RB1CC1: variants seen among roughly 807,000 people sequenced by gnomAD.
The protein encoded by RB1CC1 is RB1 inducible coiled-coil 1.
Under a neutral mutation model 177.5 loss-of-function variants are expected in RB1CC1, and 46 were observed. The ratio of observed to expected loss-of-function variants is 0.26; its 90% CI spans 0.20 to 0.33. The LOEUF is 0.33. Ranked by LOEUF, RB1CC1 falls within the 10% of genes least tolerant of loss-of-function variation. The probability of loss-of-function intolerance (pLI) is 1.00; values close to 1 mark genes in which losing one functional copy is unlikely to be tolerated. For missense variants in RB1CC1, 1,703 were observed against 1,816.3 expected (o/e 0.94, Z 1.13); for synonymous variants, 666 against 613.6 (o/e 1.09, Z -1.26).
chr8:52,712,053 A>C (rs1857102463), intron 1 of RB1CC1, among the ~76,000 whole-genome samples: 1 of 152,180 alleles, frequency 6.6e-6, no homozygotes, highest in South Asian at 2.1e-4. Flanking sequence ...ACAATTACTT[A>C]AACATTTTTA....
In RB1CC1 at chr8:52,656,236, A is replaced by C; in HGVS notation, c.3593T>G (p.Ile1198Ser). Residue 1198 changes from isoleucine to serine, a missense_variant, in exon 15 of 24, where the codon ATT becomes AGT. By Grantham distance (142) the Ile-to-Ser change is moderately radical. This residue lies in a region of RB1CC1 where 1,169 missense variants were observed against 1,184.7 expected (regional missense o/e 0.99). Transcript: ENST00000025008. The stretch of plus-strand genomic sequence containing the variant: ...TTCGTATTTCTCTTCTTGTTGGGTA[A>C]TTTTTTCATCTTTTTGTCTTTCAAG... The part of the protein sequence containing the change: ...SALERQKDEK[I>S]TQQEEKYEAI... The C allele has an allele frequency of 6.2e-7, 1 of 1,612,838 alleles. No individual in the cohort carries two copies. Among genetic ancestry groups the C allele is most frequent in the Non-Finnish European group, 8.5e-7 (1 of 1,179,712 alleles).
chr8:52,622,845 C>CA lies in RB1CC1; in HGVS notation c.*936dup, dbSNP rs1848149976. ...ATTTTCACACTTCCCAGCAATCACT[C>CA]AAATATATTAAAAATGTATCCTTCT... On this transcript the variant is annotated 3_prime_UTR_variant, in exon 24 of 24. Transcript: ENST00000025008. The CA allele has an allele frequency of 6.6e-6, 1 of 151,998 alleles. No individual in the cohort carries two copies. The highest frequency in any genetic ancestry group is 6.6e-5 in the Admixed American group (1 of 15,218). The allele number at this position is 151,998 out of a possible 1,614,324, so 9.4% of individuals were successfully genotyped here.
chr8:52,714,059 C>T lies in RB1CC1; in HGVS notation c.-167+16G>A, dbSNP rs1428097030. 3 of 347,216 alleles carry T rather than the reference C, an allele frequency of 8.6e-6. No homozygotes were observed. Among genetic ancestry groups the T allele is most frequent in the East Asian group, 1.6e-4 (1 of 6,380 alleles). The allele number at this position is 347,216 out of a possible 1,614,324, so 21.5% of individuals were successfully genotyped here. On this transcript the variant is annotated intron_variant, in intron 1 of 23. Transcript: ENST00000025008. ...GCCAGATGGGGGAAGGGGACGCGGG[C>T]GGCGGCGACACTTACCCGGCAACGC...
chr8:52,654,340 C>T lies in RB1CC1; in HGVS notation c.3821+1668G>A, dbSNP rs148505070. Among the ~76,000 whole-genome samples, 123 of 152,342 alleles carry T rather than the reference C, an allele frequency of 8.1e-4. 1 individual carries two copies. Among genetic ancestry groups the T allele is most frequent in the African/African-American group, 2.8e-3 (117 of 41,586 alleles). On this transcript the variant is annotated intron_variant, in intron 15 of 23. Coordinates refer to ENST00000025008, the MANE Select transcript of RB1CC1 (RefSeq NM_014781.5). ...ACATTTCCCAAAATCCCAGGTATAGCTTCCAGTTTGCCAATGAAAAGAAGA... is the reference window on the plus strand; with the variant it reads ...ACATTTCCCAAAATCCCAGGTATAGTTTCCAGTTTGCCAATGAAAAGAAGA...
intron 15 of RB1CC1, among the ~76,000 whole-genome samples, chr8:52,654,830 T>G (rs1283022149): frequency 6.6e-6 from 1 of 152,172 alleles, no homozygotes; most frequent in Non-Finnish European, 1.5e-5. Context: ...TTAGATCAAT[T>G]TAACCAAAAT....
At position 52,687,013 on chromosome 8, in the gene RB1CC1, G is replaced by A. The variant is rs148013272; in HGVS notation, c.-166-46C>T. On this transcript the variant is annotated intron_variant, in intron 1 of 23. Coordinates refer to ENST00000025008, the MANE Select transcript of RB1CC1 (RefSeq NM_014781.5). ...GTTATAAAGAGAAACAATTCAGTACGAAACAACATATGGCTATTGTTCCTT... is the reference window on the plus strand; with the variant it reads ...GTTATAAAGAGAAACAATTCAGTACAAAACAACATATGGCTATTGTTCCTT... 2.6e-3 allele frequency: 1,154 copies of A among 452,412 alleles called. 2 individuals carry two copies. Among genetic ancestry groups the A allele is most frequent in the African/African-American group, 4.1e-3 (205 of 49,714 alleles). 28.0% of individuals were successfully genotyped at this position (452,412 alleles called of 1,614,324 possible). A position where few individuals can be genotyped will look rare whatever the true frequency, so the allele number is the denominator to read the frequency against.
rs1848688313 is a variant in RB1CC1 at position 52,630,622 on chromosome 8, G to A, written c.4441-94C>T. 2.3e-6 allele frequency: 3 copies of A among 1,301,834 alleles called. No individual in the cohort carries two copies. In the South Asian group the frequency reaches 5.1e-5, roughly 22 times the overall value. The allele number at this position is 1,301,834 out of a possible 1,614,324, so 80.6% of individuals were successfully genotyped here. On this transcript the variant is annotated intron_variant, in intron 20 of 23. Transcript: ENST00000025008. ...TTCACCCACTGTTATACACATTCAAGCCTGTGTCCAGCTTTAAAGAGCCCA... is the reference window on the plus strand; with the variant it reads ...TTCACCCACTGTTATACACATTCAAACCTGTGTCCAGCTTTAAAGAGCCCA...
intron 3 of RB1CC1, among the ~76,000 whole-genome samples, chr8:52,685,038 C>T (rs1284586033): frequency 1.4e-5 from 2 of 144,206 alleles, no homozygotes; most frequent in African/African-American, 2.6e-5. Flanking sequence ...GAGTCCTGCT[C>T]AGTCGCTGGG....
intron 5 of RB1CC1, among the ~76,000 whole-genome samples, chr8:52,679,216 A>G (rs1853462459): frequency 1.3e-5 from 2 of 152,218 alleles, no homozygotes; most frequent in Non-Finnish European, 2.9e-5. Context: ...GATAGCTACA[A>G]AGATAAGAAA....
chr8:52,643,275 A>T (rs901179673), intron 16 of RB1CC1: 3 of 152,876 alleles, frequency 2.0e-5, no homozygotes, highest in African/African-American at 7.2e-5. Context: ...TATTGGCTAG[A>T]CTTATTACTC....
chr8:52,713,143 T>C (rs1056494173), intron 1 of RB1CC1, among the ~76,000 whole-genome samples: 1 of 152,200 alleles, frequency 6.6e-6, no homozygotes, highest in Non-Finnish European at 1.5e-5. Flanking sequence ...AGCAAATAGG[T>C]ACACTTTAAA....
At chr8:52,650,939 G>A (rs1405699255) in intron 15 of RB1CC1, among the ~76,000 whole-genome samples, 1 of 152,148 alleles carries the variant, frequency 6.6e-6, no homozygotes, top group East Asian at 1.9e-4. Flanking sequence ...TCTTCTCAAT[G>A]AGATGATCCT....
At position 52,623,723 on chromosome 8, in the gene RB1CC1, G is replaced by A. The variant is rs751497939; in HGVS notation, c.*59C>T. 4.1e-6 allele frequency: 5 copies of A among 1,223,596 alleles called. No homozygotes were observed. The highest frequency in any genetic ancestry group is 6.0e-6 in the Non-Finnish European group (5 of 829,216). The allele number at this position is 1,223,596 out of a possible 1,614,324, so 75.8% of individuals were successfully genotyped here. ...GCCTGCTGTTTTTGGAGTGATGAAT[G>A]AGCACTGCAGGACAAATCAGAAAAA... On this transcript the variant is annotated 3_prime_UTR_variant, in exon 24 of 24. Coordinates refer to ENST00000025008, the MANE Select transcript of RB1CC1 (RefSeq NM_014781.5).
intron 5 of RB1CC1, among the ~76,000 whole-genome samples, chr8:52,683,032 C>G (rs1037000839): frequency 6.6e-6 from 1 of 151,992 alleles, no homozygotes; most frequent in Non-Finnish European, 1.5e-5. Context: ...ATGTAGCTTA[C>G]CACTGATAGC....
chr8:52,706,226 A>G (rs1193316368), intron 1 of RB1CC1, among the ~76,000 whole-genome samples: 1 of 151,992 alleles, frequency 6.6e-6, no homozygotes, highest in Admixed American at 6.6e-5. Flanking sequence ...TCCCACCAAG[A>G]GAGCAAGACA....
At chr8:52,676,800 A>G (rs1853171937) in intron 5 of RB1CC1, among the ~76,000 whole-genome samples, 1 of 152,224 alleles carries the variant, frequency 6.6e-6, no homozygotes, top group Non-Finnish European at 1.5e-5. Context: ...AGAAGAATCC[A>G]TAAGACGCTA....
intron 3 of RB1CC1, among the ~76,000 whole-genome samples, chr8:52,685,153 G>A (rs1283493973): frequency 6.6e-6 from 1 of 151,788 alleles, no homozygotes; most frequent in Non-Finnish European, 1.5e-5. Flanking sequence ...ACAGGCATGC[G>A]CCACCACACC....
chr8:52,653,408 C>A (rs1850790865), intron 15 of RB1CC1, among the ~76,000 whole-genome samples: 1 of 152,096 alleles, frequency 6.6e-6, no homozygotes, highest in African/African-American at 2.4e-5. Flanking sequence ...AGGTTTTGAC[C>A]CAGAGAAATC....
intron 13 of RB1CC1, 146 bp from the exon 14 acceptor site, chr8:52,658,270 G>C (rs1851261265): frequency 9.7e-7 from 1 of 1,027,166 alleles, no homozygotes; most frequent in South Asian, 1.7e-5. Flanking sequence ...AGAAGTTTGT[G>C]TCATAATCAG....
Sources: allele counts gnomAD v4.1 joint callset (sites outside exome capture counted in the v4.1 genomes callset), GRCh38; gene constraint gnomAD v4.1.1; regional missense constraint gnomAD v4.1.1; transcripts MANE v1.5; gene names NCBI Gene and HGNC (gene_info 2026-07-23, HGNC 2026-07-21).